ACSM3: variants seen among roughly 807,000 people sequenced by gnomAD.
ACSM3 encodes acyl-coenzyme A synthetase ACSM3, mitochondrial.
ACSM3 carries 61 observed loss-of-function variants against 74.1 expected under a neutral mutation model. The ratio of observed to expected loss-of-function variants is 0.82; its 90% CI spans 0.67 to 1.02. ACSM3 has a LOEUF of 1.02. Ranked by LOEUF, ACSM3 falls within the 50% of genes least tolerant of loss-of-function variation. The pLI is 0.00. For missense variants in ACSM3, 660 were observed against 697.0 expected (o/e 0.95, Z 0.60); for synonymous variants, 213 against 241.5 (o/e 0.88, Z 1.09).
chr16:20,681,934 G>C (rs1567306872), intron 1 of ACSM3: 5 of 240,226 alleles, frequency 2.1e-5, no homozygotes, highest in Non-Finnish European at 4.2e-5. Context: ...ATGGTCACTA[G>C]ACAGATAAAC....
intron 7 of ACSM3, chr16:20,784,647 T>C (rs1474732329): frequency 1.9e-5 from 3 of 161,782 alleles, no homozygotes; most frequent in African/African-American, 7.2e-5. Context: ...AATAAAATGT[T>C]ATTATGGGGT....
At chr16:20,728,460 C>T in intron 1 of ACSM3, 1 of 1,314,358 alleles carries the variant, frequency 7.6e-7, no homozygotes. Flanking sequence ...AAAGTCTACA[C>T]AGCCCTTCTG....
intron 1 of ACSM3, among the ~76,000 whole-genome samples, chr16:20,730,762 G>A (rs924290959): frequency 3.9e-5 from 6 of 152,012 alleles, no homozygotes; most frequent in African/African-American, 1.4e-4. Flanking sequence ...TATCTAATTG[G>A]TAGGTTTTAA....
chr16:20,737,677 T>A, intron 1 of ACSM3: 3 of 1,574,136 alleles, frequency 1.9e-6, no homozygotes, highest in Non-Finnish European at 2.6e-6. Context: ...TACCATTGAA[T>A]GCCTATGGAA....
chr16:20,734,460 A>G (rs1371279067), intron 1 of ACSM3: 1 of 152,434 alleles, frequency 6.6e-6, no homozygotes, highest in Non-Finnish European at 1.5e-5. Flanking sequence ...GCCCCTCTCA[A>G]ATCATTCTAG....
At chr16:20,771,486 A>G (rs1237698152) in intron 2 of ACSM3, among the ~76,000 whole-genome samples, 1 of 146,898 alleles carries the variant, frequency 6.8e-6, no homozygotes, top group East Asian at 2.0e-4. Flanking sequence ...AACATGTGGC[A>G]TTTATCTTTC....
intron 12 of ACSM3, among the ~76,000 whole-genome samples, chr16:20,795,221 A>T (rs2080697046): frequency 6.6e-6 from 1 of 152,182 alleles, no homozygotes; most frequent in South Asian, 2.1e-4. Flanking sequence ...AAGTCTCACT[A>T]TGTTGCCCAG....
chr16:20,785,220 G>GA, intron 8 of ACSM3, 113 bp downstream of exon 8: 1 of 1,421,974 alleles, frequency 7.0e-7, no homozygotes, highest in Non-Finnish European at 9.5e-7. Flanking sequence ...TGAGTGGTTA[G>GA]AAAATGTTTA....
At chr16:20,744,535 C>T (rs2079949976) in intron 1 of ACSM3, among the ~76,000 whole-genome samples, 1 of 152,170 alleles carries the variant, frequency 6.6e-6, no homozygotes, top group East Asian at 1.9e-4. Context: ...CCTGTGCATG[C>T]CACCACGGCC....
At chr16:20,759,471 A>T (rs890212883), upstream of ACSM3, among the ~76,000 whole-genome samples, 18 of 148,644 alleles carry the variant, frequency 1.2e-4, no homozygotes, top group African/African-American at 4.7e-4. Context: ...GAGGCAGGAG[A>T]ATGGTGTAAA....
At chr16:20,682,260 C>T (rs374521725) in intron 1 of ACSM3, 1 of 1,612,690 alleles carries the variant, frequency 6.2e-7, no homozygotes, top group African/African-American at 1.3e-5. Flanking sequence ...ACTCACTTAA[C>T]CAGCGATCGG....
chr16:20,745,435 T>G (rs988203158), intron 1 of ACSM3, among the ~76,000 whole-genome samples: 2 of 151,952 alleles, frequency 1.3e-5, no homozygotes, highest in African/African-American at 4.8e-5. Context: ...ATAAAAAAAT[T>G]AGTTGGGCAT....
intron 1 of ACSM3, among the ~76,000 whole-genome samples, chr16:20,724,950 T>C (rs2079799392): frequency 6.6e-6 from 1 of 152,294 alleles, no homozygotes; most frequent in East Asian, 1.9e-4. Context: ...AAAATGGCCA[T>C]ACTGCCCAAG....
At chr16:20,697,163 C>G (rs552219429) in intron 1 of ACSM3, among the ~76,000 whole-genome samples, 4 of 152,132 alleles carry the variant, frequency 2.6e-5, no homozygotes, top group Non-Finnish European at 5.9e-5. Flanking sequence ...GCCTCAATCT[C>G]CTGGGCTACA....
chr16:20,755,799 G>T (rs1280515840), intron 3 of ACSM3, among the ~76,000 whole-genome samples: 1 of 64,672 alleles, frequency 1.5e-5, no homozygotes, highest in African/African-American at 6.4e-5. Context: ...CCACCCCACA[G>T]CAGTCCCCAG....
At chr16:20,742,103 C>T in intron 1 of ACSM3, 1 of 1,235,946 alleles carries the variant, frequency 8.1e-7, no homozygotes, top group Non-Finnish European at 1.0e-6. Context: ...CCCTATAATT[C>T]TGCCAGCTAC....
rs1255499976 is a variant in ACSM3, at chr16:20,723,333, A to G, written c.-189-26577A>G. Among the ~76,000 whole-genome samples, 4 of 152,146 alleles carry G rather than the reference A, an allele frequency of 2.6e-5. No individual in the cohort carries two copies. In the East Asian group the frequency reaches 5.8e-4, roughly 22 times the overall value. ...AGTCTTTGCTATTGTGAATAGTGCC[A>G]CAATAAACATACGTGTGCATGTGTC... On this transcript the variant is annotated intron_variant, in intron 1 of 3. Coordinates refer to the ACSM3 transcript ENST00000561584.
At chr16:20,718,387 A>G in intron 1 of ACSM3, 1 of 954,708 alleles carries the variant, frequency 1.0e-6, no homozygotes. Flanking sequence ...GGAAACAGGA[A>G]GTCAAGAACC....
chr16:20,789,580 T>G (rs1214271528), intron 9 of ACSM3: 1 of 1,509,734 alleles, frequency 6.6e-7, no homozygotes, highest in Non-Finnish European at 9.2e-7. Context: ...TGAAAACCAG[T>G]AATGAAGATA....
Sources: allele counts gnomAD v4.1 joint callset (sites outside exome capture counted in the v4.1 genomes callset), GRCh38; gene constraint gnomAD v4.1.1; transcripts MANE v1.5; gene names NCBI Gene and HGNC (gene_info 2026-07-23, HGNC 2026-07-21).